Variants in VAV2 observed in about 807,000 individuals in gnomAD.
The protein encoded by VAV2 is guanine nucleotide exchange factor VAV2.
VAV2 carries 67 observed loss-of-function variants against 132.5 expected under a neutral mutation model. That is an observed-to-expected ratio of 0.51 (90% CI 0.42 to 0.62). The LOEUF (loss-of-function observed/expected upper bound fraction) is 0.62. VAV2 is among the 20% of genes least tolerant of loss of function. The pLI, the probability that VAV2 is intolerant of heterozygous loss-of-function variation, is 0.00. For missense variants in VAV2, 938 were observed against 1,153.6 expected (o/e 0.81, Z 2.71); for synonymous variants, 492 against 443.5 (o/e 1.11, Z -1.37).
rs1833544779 is a variant in VAV2, at chr9:133,769,484, G to T, written c.2367C>A (p.Asn789Lys). Residue 789 changes from asparagine (N) to lysine (K), a missense_variant, in exon 28 of 30, where the codon AAC becomes AAA. Asn to Lys is a moderately conservative substitution (Grantham distance 94). Coordinates refer to ENST00000371850, the MANE Select transcript of VAV2 (RefSeq NM_001134398.2). The surrounding 1 kb of genome is among the most constrained non-coding windows in gnomAD (Gnocchi z 8.1). The part of the protein sequence containing the change: ...SRSPASCASY[N>K]FSFLSPQGLS... The stretch of plus-strand genomic sequence containing the variant: ...GGCCCTGAGGACTGAGAAAAGAAAA[G>T]TTGTAGGAAGCACAGGAAGCTGCAA... The T allele has an allele frequency of 6.2e-7, 1 of 1,612,780 alleles. No homozygotes were observed. The highest frequency in any genetic ancestry group is 2.2e-5 in the East Asian group (1 of 44,862).
chr9:133,775,195 G>A, intron 24 of VAV2, 144 bp from the exon 25 acceptor site: 1 of 687,998 alleles, frequency 1.5e-6, no homozygotes. Flanking sequence ...CAAGAGAACA[G>A]GCTGGGTCCC....
At chr9:133,908,831 T>C (rs1175174371) in intron 2 of VAV2, among the ~76,000 whole-genome samples, 6 of 152,200 alleles carry the variant, frequency 3.9e-5, no homozygotes, top group African/African-American at 1.4e-4. Context: ...CCTGGTTTGG[T>C]TTTGCAGCCC....
chr9:133,987,680 G>C (rs1469484732), intron 1 of VAV2, among the ~76,000 whole-genome samples: 2 of 152,220 alleles, frequency 1.3e-5, no homozygotes, highest in African/African-American at 4.8e-5. Context: ...CAAGTCAGAG[G>C]CTGGGCGGCG....
intron 2 of VAV2, among the ~76,000 whole-genome samples, chr9:133,934,326 A>G (rs1427622135): frequency 6.6e-6 from 1 of 152,208 alleles, no homozygotes; most frequent in Admixed American, 6.5e-5. Context: ...GGCATTTCCT[A>G]AACCAGCCAG....
rs1281177985 is a variant in VAV2 at position 133,883,396 on chromosome 9, C to T, written c.322-21964G>A. Among the ~76,000 whole-genome samples, 1 of 152,166 alleles carries T rather than the reference C, an allele frequency of 6.6e-6. No homozygotes were observed. The highest frequency in any genetic ancestry group is 1.5e-5 in the Non-Finnish European group (1 of 68,040). ...GCTGACGGGTGTGAGCCACAGTGGG[C>T]AGTCAGGGCCAGGGAGAGGAACAGA... On this transcript the variant is annotated intron_variant, in intron 2 of 29. Transcript: ENST00000371850. The surrounding 1 kb of genome is among the most constrained non-coding windows in gnomAD (Gnocchi z 4.2).
intron 1 of VAV2, among the ~76,000 whole-genome samples, chr9:133,941,147 C>T (rs972144810): frequency 2.0e-5 from 3 of 152,176 alleles, no homozygotes; most frequent in Admixed American, 6.5e-5. Flanking sequence ...GCAGCTCACG[C>T]CTGTAATCCC....
intron 2 of VAV2, among the ~76,000 whole-genome samples, chr9:133,929,199 T>C (rs1840587677): frequency 6.6e-6 from 1 of 152,120 alleles, no homozygotes; most frequent in African/African-American, 2.4e-5. Flanking sequence ...AATGGTGTCT[T>C]CGTGGGTCCA....
At chr9:133,983,420 G>A (rs1049465727) in intron 1 of VAV2, among the ~76,000 whole-genome samples, 1 of 152,160 alleles carries the variant, frequency 6.6e-6, no homozygotes, top group Admixed American at 6.5e-5. Flanking sequence ...AGGCACAGGG[G>A]GTGGGGCGGA....
intron 2 of VAV2, among the ~76,000 whole-genome samples, chr9:133,877,614 C>T (rs1016774951): frequency 6.6e-5 from 10 of 152,176 alleles, no homozygotes; most frequent in African/African-American, 2.4e-4. Flanking sequence ...AGGGAAAGCA[C>T]CCAGAAGGAA....
chr9:133,935,079 T>C lies in VAV2; in HGVS notation c.321+4024A>G, dbSNP rs898840706. Among the ~76,000 whole-genome samples, 1 of 148,934 alleles carries C rather than the reference T, an allele frequency of 6.7e-6. No homozygotes were observed. The highest frequency in any genetic ancestry group is 6.7e-5 in the Admixed American group (1 of 14,976). ...TCAGTTCTGACTGCAGAGCTTTGTG[T>C]TCTGGGGAGAAACAGCTGCCACCCC... is the stretch of plus-strand genomic sequence containing the variant. On this transcript the variant is annotated intron_variant, in intron 2 of 29. Transcript: ENST00000371850. The surrounding 1 kb of genome is among the most constrained non-coding windows in gnomAD (Gnocchi z 5.2).
chr9:133,768,132 T>C lies in VAV2; in HGVS notation c.2589+310A>G, dbSNP rs1833496316. Among the ~76,000 whole-genome samples the C allele has an allele frequency of 6.6e-6, 1 of 151,888 alleles. No homozygotes were observed. Among genetic ancestry groups the C allele is most frequent in the East Asian group, 1.9e-4 (1 of 5,184 alleles). ...GGGGACTTGCAAGTAATTTGGCGAG[T>C]GCAGCTATGAGGGCAGCCCAGAATA... On this transcript the variant is annotated intron_variant, in intron 29 of 29. Transcript: ENST00000371850. This position sits in a 1 kb window ranked among gnomAD's most constrained non-coding sequence, Gnocchi z 5.3.
At chr9:133,817,433 ACC>A (rs1252154997) in intron 4 of VAV2, among the ~76,000 whole-genome samples, 68 of 152,158 alleles carry the variant, frequency 4.5e-4, no homozygotes, top group African/African-American at 1.5e-3. Flanking sequence ...TGGGTGGATC[ACC>A]TGAGGTCAGG....
intron 2 of VAV2, among the ~76,000 whole-genome samples, chr9:133,882,057 C>T (rs554037237): frequency 2.0e-5 from 3 of 152,272 alleles, no homozygotes; most frequent in East Asian, 1.9e-4. Context: ...GATACAGTGC[C>T]GAAAACAAAA....
intron 1 of VAV2, among the ~76,000 whole-genome samples, chr9:133,974,095 G>T (rs2132266979): frequency 6.6e-6 from 1 of 152,238 alleles, no homozygotes; most frequent in African/African-American, 2.4e-5. Flanking sequence ...CCTCCAGGAA[G>T]CCCCAGACCC....
chr9:133,940,689 G>A (rs1841112666), intron 1 of VAV2, among the ~76,000 whole-genome samples: 1 of 151,702 alleles, frequency 6.6e-6, no homozygotes, highest in Admixed American at 6.6e-5. Flanking sequence ...GTGTGTGTGT[G>A]TGTGTGTGTG....
Position 133,883,538 on chromosome 9 carries a change from C to G in VAV2, c.322-22106G>C, listed in dbSNP as rs759854767. Among the ~76,000 whole-genome samples, 1 of 152,156 alleles carries G rather than the reference C, an allele frequency of 6.6e-6. No homozygotes were observed. The highest frequency in any genetic ancestry group is 1.5e-5 in the Non-Finnish European group (1 of 68,022). ...ACCCTGCAGACTCCCAAGTCATCCC[C>G]AGCCACGGCAGGCAGACAGCCCAGC... is the stretch of plus-strand genomic sequence containing the variant. On this transcript the variant is annotated intron_variant, in intron 2 of 29. Coordinates refer to ENST00000371850, the MANE Select transcript of VAV2 (RefSeq NM_001134398.2). The surrounding 1 kb of genome is among the most constrained non-coding windows in gnomAD (Gnocchi z 4.2).
chr9:133,793,447 A>G (rs1202010993), intron 12 of VAV2, among the ~76,000 whole-genome samples: 1 of 151,196 alleles, frequency 6.6e-6, no homozygotes, highest in African/African-American at 2.4e-5. Context: ...GGGAGGCTGC[A>G]GCACGCTGTC....
chr9:133,789,876 T>C (rs760167101), intron 13 of VAV2, among the ~76,000 whole-genome samples: 2 of 152,254 alleles, frequency 1.3e-5, no homozygotes, highest in Non-Finnish European at 2.9e-5. Flanking sequence ...TCTCTTGACA[T>C]GTTCCCTGCG....
intron 1 of VAV2, among the ~76,000 whole-genome samples, chr9:133,960,880 G>A (rs1176006141): frequency 6.6e-6 from 1 of 152,244 alleles, no homozygotes; most frequent in Non-Finnish European, 1.5e-5. Context: ...CCCGGGGACA[G>A]AGCCAACGGG....
Sources: allele counts gnomAD v4.1 joint callset (sites outside exome capture counted in the v4.1 genomes callset), GRCh38; gene constraint gnomAD v4.1.1; non-coding constraint Gnocchi (gnomAD v3.1); transcripts MANE v1.5; gene names NCBI Gene and HGNC (gene_info 2026-07-23, HGNC 2026-07-21).